The following FAM83B variants were observed in gnomAD, a reference collection of about 807,000 sequenced individuals.
FAM83B encodes scaffolding CK1 anchoring protein B.
A neutral mutation model predicts 38.8 loss-of-function variants in FAM83B; 26 were observed. The ratio of observed to expected loss-of-function variants is 0.67; its 90% CI spans 0.49 to 0.93. The LOEUF (loss-of-function observed/expected upper bound fraction) is 0.93, where lower values mean the gene tolerates loss of function less well. Among genes scored for constraint, FAM83B ranks in the 40% least tolerant of loss-of-function variants. FAM83B has a pLI of 0.00. For synonymous variants in FAM83B, 419 were observed against 423.1 expected, an observed-to-expected ratio of 0.99 and a Z score of 0.12; for missense variants, 1,237 against 1,197.3, an observed-to-expected ratio of 1.03 and a Z score of -0.49.
intron 1 of FAM83B, among the ~76,000 whole-genome samples, chr6:54,855,756 C>A (rs925954071): frequency 3.3e-5 from 5 of 151,960 alleles, no homozygotes; most frequent in Non-Finnish European, 7.4e-5. Context: ...TACGATTCAC[C>A]AAAAAGTGGG....
chr6:54,916,889 A>G (rs1017968033), intron 2 of FAM83B, among the ~76,000 whole-genome samples: 1 of 152,162 alleles, frequency 6.6e-6, no homozygotes, highest in Non-Finnish European at 1.5e-5. Flanking sequence ...CTATTATTAC[A>G]TCTTGCAGAC....
In FAM83B at chr6:54,927,728, TAAAAAA is replaced by T. The variant is rs1049777485; in HGVS notation, c.734+117_734+122del. On this transcript the variant is annotated intron_variant, in intron 4 of 4. Coordinates refer to ENST00000306858, the MANE Select transcript of FAM83B (RefSeq NM_001010872.3). ...AATCAGTTAAGCTTTTTCTTAAAAG[TAAAAAA>T]AAAAAAAAAAAAAAAAAAAAGAGAA... 146 of 99,136 alleles carry T rather than the reference TAAAAAA, an allele frequency of 1.5e-3. 4 individuals are homozygous for T. Among genetic ancestry groups the T allele is most frequent in the Non-Finnish European group, 1.8e-3 (115 of 64,388 alleles). 6.1% of individuals were successfully genotyped at this position (99,136 alleles called of 1,614,324 possible).
chr6:54,941,132 G>A lies in FAM83B; in HGVS notation c.2161G>A (p.Glu721Lys). 6.2e-7 allele frequency: 1 copy of A among 1,613,980 alleles called. No homozygotes were observed. The highest frequency in any genetic ancestry group is 1.1e-5 in the South Asian group (1 of 91,052). The change falls in exon 5 of 5, where the codon GAG (glutamate) becomes AAG (lysine). Residue 721 changes from glutamate (E) to lysine (K), a missense_variant. By Grantham distance (56) the Glu-to-Lys change is moderately conservative. Coordinates refer to ENST00000306858, the MANE Select transcript of FAM83B (RefSeq NM_001010872.3). ...TGTGACTCATAACTTGGAGGAGGAT[G>A]AGGAGGAAGTTACCAAGAGAAACTC... The part of the protein sequence containing the change: ...HNVTHNLEED[E>K]EEVTKRNSPS...
intron 2 of FAM83B, among the ~76,000 whole-genome samples, chr6:54,916,130 G>A (rs1168924106): frequency 6.6e-6 from 1 of 152,092 alleles, no homozygotes; most frequent in African/African-American, 2.4e-5. Context: ...CCTTCCTAAA[G>A]CTTCTGCTCC....
chr6:54,939,627 A>G (rs1431533534), intron 4 of FAM83B, 79 bp from the exon 5 acceptor site: 1 of 1,306,434 alleles, frequency 7.7e-7, no homozygotes, highest in Non-Finnish European at 1.0e-6. Flanking sequence ...CATAGTCATT[A>G]AGTGATACTT....
chr6:54,863,799 T>A (rs756947610), intron 1 of FAM83B, among the ~76,000 whole-genome samples: 9 of 152,216 alleles, frequency 5.9e-5, no homozygotes, highest in Non-Finnish European at 1.2e-4. Context: ...TACATATCTG[T>A]TTTGGCATCT....
chr6:54,915,503 A>T (rs1306858585), intron 2 of FAM83B, among the ~76,000 whole-genome samples: 1 of 151,992 alleles, frequency 6.6e-6, no homozygotes, highest in Non-Finnish European at 1.5e-5. Context: ...TCCTCTACCT[A>T]CTGGTAGAAA....
At chr6:54,867,729 A>G (rs796751726) in intron 1 of FAM83B, among the ~76,000 whole-genome samples, 5 of 152,194 alleles carry the variant, frequency 3.3e-5, no homozygotes, top group African/African-American at 1.2e-4. Context: ...AATTTTTTAC[A>G]GTTCCAAAAT....
At chr6:54,887,308 C>G (rs939972325) in intron 2 of FAM83B, among the ~76,000 whole-genome samples, 3 of 152,160 alleles carry the variant, frequency 2.0e-5, no homozygotes, top group African/African-American at 7.2e-5. Context: ...ATGCAAAACT[C>G]ACATCTGTGG....
chr6:54,941,211 AT>A lies in FAM83B; in HGVS notation c.2241del (p.Asn747LysfsTer22). 2 of 1,613,998 alleles carry A rather than the reference AT, an allele frequency of 1.2e-6. No individual in the cohort carries two copies. The highest frequency in any genetic ancestry group is 2.2e-5 in the South Asian group (2 of 91,040). On this transcript the variant is annotated frameshift_variant, in exon 5 of 5. Coordinates refer to ENST00000306858, the MANE Select transcript of FAM83B (RefSeq NM_001010872.3). LOFTEE classifies it high-confidence loss of function. ...TCCATTGCTGCTTTACTTGATGTGA[AT>A]AAAGAGGAATCTAACAAAGAACTTG... ...SVSIAALLDV[N>X]KEESNKELAS... is the part of the protein sequence containing the mutation.
chr6:54,897,267 T>G (rs1772559753), intron 2 of FAM83B, among the ~76,000 whole-genome samples: 1 of 151,196 alleles, frequency 6.6e-6, no homozygotes, highest in African/African-American at 2.4e-5. Flanking sequence ...AAATCACATA[T>G]GGGAAACAGT....
At chr6:54,874,148 G>A (rs1485820928) in intron 2 of FAM83B, among the ~76,000 whole-genome samples, 3 of 151,868 alleles carry the variant, frequency 2.0e-5, no homozygotes, top group Non-Finnish European at 2.9e-5. Context: ...TGATCATTTT[G>A]CTTTTATAAG....
In FAM83B at chr6:54,881,057, T is replaced by A. The variant is rs565239927; in HGVS notation, c.444+10367T>A. Among the ~76,000 whole-genome samples the A allele has an allele frequency of 2.0e-5, 3 of 152,320 alleles. No individual in the cohort carries two copies. In the East Asian group the frequency reaches 5.8e-4, roughly 29 times the overall value. The stretch of plus-strand genomic sequence containing the variant: ...ACTTAGGATTTTTCTTACAATAAAA[T>A]AATTGGTTTCTTGTACTGAAATGCA... On this transcript the variant is annotated intron_variant, in intron 2 of 4. Coordinates refer to ENST00000306858, the MANE Select transcript of FAM83B (RefSeq NM_001010872.3).
chr6:54,888,275 T>A (rs1772325928), intron 2 of FAM83B, among the ~76,000 whole-genome samples: 1 of 150,916 alleles, frequency 6.6e-6, no homozygotes, highest in African/African-American at 2.4e-5. Flanking sequence ...ATATTTTTAT[T>A]ATTGTTTTAA....
chr6:54,875,209 A>T lies in FAM83B; in HGVS notation c.444+4519A>T, dbSNP rs1335229722. 7.2e-5 allele frequency among the ~76,000 whole-genome samples: 11 copies of T among 152,246 alleles called. No homozygotes were observed. The East Asian group carries it at 2.1e-3, about 29-fold the overall frequency. On this transcript the variant is annotated intron_variant, in intron 2 of 4. Transcript: ENST00000306858. Reference sequence around the variant, plus strand: ...CTCTAATACTGCTTACCAACTTAAGATTATTTTGATATGTTATATTCCTTG... The same window carrying T: ...CTCTAATACTGCTTACCAACTTAAGTTTATTTTGATATGTTATATTCCTTG...
chr6:54,867,112 T>G lies in FAM83B; in HGVS notation c.-60-3075T>G, dbSNP rs565135805. On this transcript the variant is annotated intron_variant, in intron 1 of 4. Transcript: ENST00000306858. Reference sequence around the variant, plus strand: ...TTTTTTTTTCTCTACTCATTAACTCTACTGTGTATGATAAAAGAATATGCT... The same window carrying G: ...TTTTTTTTTCTCTACTCATTAACTCGACTGTGTATGATAAAAGAATATGCT... 6.4e-4 allele frequency among the ~76,000 whole-genome samples: 97 copies of G among 151,830 alleles called. 2 individuals are homozygous for G. Among genetic ancestry groups the G allele is most frequent in the African/African-American group, 2.3e-3 (95 of 41,478 alleles).
intron 2 of FAM83B, among the ~76,000 whole-genome samples, chr6:54,911,765 C>G (rs1772913513): frequency 1.3e-5 from 2 of 152,148 alleles, no homozygotes; most frequent in South Asian, 4.1e-4. Context: ...CTCAAGAAAT[C>G]TAAATTATAG....
chr6:54,928,563 CT>C (rs1335508383), intron 4 of FAM83B, among the ~76,000 whole-genome samples: 2 of 152,028 alleles, frequency 1.3e-5, no homozygotes, highest in African/African-American at 4.8e-5. Context: ...AGCTCGGGAC[CT>C]TTTTAAAAAA....
intron 2 of FAM83B, among the ~76,000 whole-genome samples, chr6:54,883,149 T>C (rs545916115): frequency 2.6e-5 from 4 of 152,166 alleles, no homozygotes; most frequent in Non-Finnish European, 4.4e-5. Context: ...TTCACCGTGT[T>C]AGCCAGGATG....
Sources: allele counts gnomAD v4.1 joint callset (sites outside exome capture counted in the v4.1 genomes callset), GRCh38; gene constraint gnomAD v4.1.1; transcripts MANE v1.5; gene names NCBI Gene and HGNC (gene_info 2026-07-23, HGNC 2026-07-21).